Variants in NR3C1 observed in about 807,000 individuals in gnomAD.
NR3C1 encodes the protein nuclear receptor subfamily 3 group C member 1, also known as glucocorticoid receptor.
NR3C1 carries 14 observed loss-of-function variants against 74.0 expected under a neutral mutation model. That is an observed-to-expected ratio of 0.19 (90% CI 0.12 to 0.30). NR3C1 has a LOEUF of 0.30. Ranked by LOEUF, NR3C1 falls within the 10% of genes least tolerant of loss-of-function variation. The pLI, the probability that NR3C1 is intolerant of heterozygous loss-of-function variation, is 1.00. For missense variants in NR3C1, 695 were observed against 909.8 expected (o/e 0.76, Z 3.04); for synonymous variants, 308 against 332.5 (o/e 0.93, Z 0.80).
intron 5 of NR3C1, among the ~76,000 whole-genome samples, chr5:143,299,571 T>C (rs1818071325): frequency 6.6e-6 from 1 of 152,166 alleles, no homozygotes; most frequent in African/African-American, 2.4e-5. Flanking sequence ...AATAATTTAC[T>C]TTATATTTCA....
chr5:143,357,497 A>T (rs1452638056), intron 2 of NR3C1, among the ~76,000 whole-genome samples: 1 of 152,228 alleles, frequency 6.6e-6, no homozygotes, highest in African/African-American at 2.4e-5. Context: ...ATTTAAAAAG[A>T]ATTCTGTAAT....
chr5:143,417,775 AAAAG>A (rs1164983890), intron 1 of NR3C1, among the ~76,000 whole-genome samples: 1 of 152,192 alleles, frequency 6.6e-6, no homozygotes, highest in Non-Finnish European at 1.5e-5. Flanking sequence ...CCTGTCCAAT[AAAAG>A]AAAGATTCTG....
chr5:143,433,468 A>ATTTAAATTATATATATATATAATTTATT (rs1408637274), intron 1 of NR3C1, among the ~76,000 whole-genome samples: 1 of 38,342 alleles, frequency 2.6e-5, no homozygotes, highest in African/African-American at 7.4e-5. Context: ...ATATATATAT[A>ATTTAAATTATATATATATATAATTTATT]TATTTAATTT....
intron 1 of NR3C1, chr5:143,433,971 C>T (rs1751996966): frequency 6.6e-6 from 1 of 152,640 alleles, no homozygotes; most frequent in Admixed American, 6.5e-5. Context: ...GACTGTCTTT[C>T]CTTTTCCTCA....
chr5:143,317,266 G>C (rs1215465392), intron 2 of NR3C1, among the ~76,000 whole-genome samples: 2 of 152,128 alleles, frequency 1.3e-5, no homozygotes, highest in Non-Finnish European at 2.9e-5. Context: ...ATATGGAATT[G>C]ACATCTTTTA....
chr5:143,332,793 G>C, intron 2 of NR3C1: 2 of 1,550,114 alleles, frequency 1.3e-6, no homozygotes, highest in Non-Finnish European at 1.8e-6. Context: ...GATTGATGGC[G>C]TGAGTTTACG....
intron 2 of NR3C1, among the ~76,000 whole-genome samples, chr5:143,347,906 G>A (rs1200299130): frequency 6.6e-6 from 1 of 152,084 alleles, no homozygotes; most frequent in Non-Finnish European, 1.5e-5. Context: ...TTTCCAAAAC[G>A]GGCTCTCATT....
rs548362704 is a variant in NR3C1 at position 143,401,466 on chromosome 5, G to A, written c.-13-614C>T. On this transcript the variant is annotated intron_variant, in intron 1 of 8. Transcript: ENST00000394464. ...ATGCTGATCTGCTTATCTTCCGACA[G>A]GCTGGGAAAAGGCTTTTTAACCCAT... is the stretch of plus-strand genomic sequence containing the variant. The A allele has an allele frequency of 3.0e-4, 46 of 155,646 alleles. 1 individual carries two copies. The South Asian group carries it at 8.7e-3, about 29-fold the overall frequency. 9.6% of individuals were successfully genotyped at this position (155,646 alleles called of 1,614,324 possible). A position where few individuals can be genotyped will look rare whatever the true frequency, so the allele number is the denominator to read the frequency against.
intron 7 of NR3C1, among the ~76,000 whole-genome samples, chr5:143,291,815 TAG>T (rs890048156): frequency 6.6e-6 from 1 of 152,216 alleles, no homozygotes. Context: ...CATTTATTTT[TAG>T]AGTTTCCATC....
At chr5:143,332,377 T>C (rs1826152854) in intron 2 of NR3C1, among the ~76,000 whole-genome samples, 1 of 118,446 alleles carries the variant, frequency 8.4e-6, no homozygotes, top group Non-Finnish European at 1.6e-5. Context: ...ACATCTGAGC[T>C]ATAAGGATTA....
At chr5:143,328,376 C>A (rs896241307) in intron 2 of NR3C1, among the ~76,000 whole-genome samples, 1 of 152,206 alleles carries the variant, frequency 6.6e-6, no homozygotes, top group Non-Finnish European at 1.5e-5. Flanking sequence ...CTCTGCCATG[C>A]CCTGGAGACA....
rs139612120 is a variant in NR3C1 at position 143,426,208 on chromosome 5, C to T, written c.-14+8324G>A. On this transcript the variant is annotated intron_variant, in intron 1 of 8. Transcript: ENST00000343796. ...GACAGAGAAATAATTAATTAGTGGT[C>T]GCCAGGGGGCTAGGGAAAAGGGAAT... Among the ~76,000 whole-genome samples the T allele has an allele frequency of 1.8e-3, 267 of 152,114 alleles. 2 individuals carry two copies. The highest frequency in any genetic ancestry group is 6.1e-3 in the African/African-American group (253 of 41,482).
chr5:143,372,511 T>C (rs1834399931), intron 2 of NR3C1, among the ~76,000 whole-genome samples: 1 of 152,240 alleles, frequency 6.6e-6, no homozygotes, highest in Non-Finnish European at 1.5e-5. Flanking sequence ...TCTTTATTTC[T>C]GTAATTTTTC....
chr5:143,387,750 C>T (rs1837507071), intron 2 of NR3C1, among the ~76,000 whole-genome samples: 1 of 152,174 alleles, frequency 6.6e-6, no homozygotes, highest in African/African-American at 2.4e-5. Flanking sequence ...TCCTACCAAC[C>T]TCCTGACTGT....
intron 2 of NR3C1, among the ~76,000 whole-genome samples, chr5:143,362,496 G>C (rs1753004301): frequency 6.6e-6 from 1 of 151,868 alleles, no homozygotes; most frequent in East Asian, 1.9e-4. Context: ...GAGTAGCTGG[G>C]ACTACAGGCG....
chr5:143,369,469 T>C (rs778895936), intron 2 of NR3C1, among the ~76,000 whole-genome samples: 1 of 152,130 alleles, frequency 6.6e-6, no homozygotes, highest in South Asian at 2.1e-4. Context: ...AAGGAGTGGA[T>C]AGACAAAATA....
intron 2 of NR3C1, among the ~76,000 whole-genome samples, chr5:143,357,889 T>C (rs1440039050): frequency 6.6e-6 from 1 of 152,258 alleles, no homozygotes; most frequent in Non-Finnish European, 1.5e-5. Flanking sequence ...TTCTCTTATA[T>C]ATTTTAGACT....
In NR3C1 at chr5:143,300,981, C is replaced by T. The variant is rs1818372845; in HGVS notation, c.1469-218G>A. ...ACCTATTCCCAATTAATTTTGCCTA[C>T]AAATAGGCCAGAAACTTCATTAGAG... On this transcript the variant is annotated intron_variant, in intron 4 of 8. Transcript: ENST00000394464. This position sits in a 1 kb window ranked among gnomAD's most constrained non-coding sequence, Gnocchi z 5.2. Among the ~76,000 whole-genome samples, 1 of 151,844 alleles carries T rather than the reference C, an allele frequency of 6.6e-6. No homozygotes were observed. The highest frequency in any genetic ancestry group is 1.5e-5 in the Non-Finnish European group (1 of 67,940).
intron 2 of NR3C1, among the ~76,000 whole-genome samples, chr5:143,357,366 G>C (rs1831335234): frequency 6.6e-6 from 1 of 152,058 alleles, no homozygotes; most frequent in Non-Finnish European, 1.5e-5. Flanking sequence ...ACACCACTTT[G>C]TCAATTTAAC....
Sources: gnomAD v4.1 joint callset for allele counts (sites outside exome capture counted in the v4.1 genomes callset) on GRCh38, gnomAD v4.1.1 for gene constraint, Gnocchi (gnomAD v3.1) non-coding constraint, MANE v1.5 for transcripts, NCBI Gene and HGNC (gene_info 2026-07-23, HGNC 2026-07-21) for gene names.